Variants in MYO5B observed in about 807,000 individuals in gnomAD.
MYO5B encodes unconventional myosin-Vb.
In MYO5B, 143 loss-of-function variants were observed where a neutral mutation model predicts 229.3. The observed-to-expected ratio is 0.62, with a 90% CI of 0.54 to 0.72. The LOEUF is 0.72. MYO5B is among the 30% of genes least tolerant of loss of function. MYO5B has a pLI of 0.00. For synonymous variants in MYO5B, 918 were observed against 885.2 expected (o/e 1.04, Z -0.66); for missense variants, 2,321 against 2,331.0 (o/e 1.00, Z 0.09).
rs938092502 is a variant in MYO5B at position 49,914,012 on chromosome 18, C to T, written c.2091-1839G>A. ...CATCCATCCCGCTAAGAGCCACCTC[C>T]ACCACTCAATAACCACCCCCCAGCA... On this transcript the variant is annotated intron_variant, in intron 17 of 39. Transcript: ENST00000285039. 3.3e-5 allele frequency among the ~76,000 whole-genome samples: 5 copies of T among 152,222 alleles called. No individual in the cohort carries two copies. The South Asian group carries it at 8.3e-4, about 25-fold the overall frequency.
chr18:50,062,992 A>G (rs960897014), intron 1 of MYO5B, among the ~76,000 whole-genome samples: 1 of 152,190 alleles, frequency 6.6e-6, no homozygotes, highest in Non-Finnish European at 1.5e-5. Context: ...TAAATAATGT[A>G]TATGAAATAT....
chr18:50,017,298 T>G (rs2144352565), intron 4 of MYO5B, among the ~76,000 whole-genome samples: 1 of 152,052 alleles, frequency 6.6e-6, no homozygotes, highest in Non-Finnish European at 1.5e-5. Flanking sequence ...TTTTTTTTTG[T>G]ATTTTTAGTA....
chr18:50,084,601 G>A lies in MYO5B; in HGVS notation c.28-29223C>T, dbSNP rs113782925. On this transcript the variant is annotated intron_variant, in intron 1 of 39. Transcript: ENST00000285039. ...TTTCTAGTTGGGAAGAGCCCGCATC[G>A]CCATGTCAATCCTAAGCCAAAAGAA... 9.9e-3 allele frequency among the ~76,000 whole-genome samples: 1,506 copies of A among 152,242 alleles called. 31 individuals are homozygous for A. Among genetic ancestry groups the A allele is most frequent in the African/African-American group, 0.034 (1,417 of 41,550 alleles).
chr18:49,947,207 G>A (rs1598903757), intron 14 of MYO5B, among the ~76,000 whole-genome samples: 1 of 145,456 alleles, frequency 6.9e-6, no homozygotes, highest in Admixed American at 7.3e-5. Context: ...CCGGGTTCAC[G>A]CCATTCTCCT....
At chr18:49,829,108 G>T (rs1474549200) in intron 39 of MYO5B, among the ~76,000 whole-genome samples, 2 of 148,680 alleles carry the variant, frequency 1.3e-5, no homozygotes, top group African/African-American at 4.9e-5. Flanking sequence ...TTAAGATGGG[G>T]TCTTGCTCTG....
intron 36 of MYO5B, among the ~76,000 whole-genome samples, chr18:49,838,899 A>G (rs1598822151): frequency 6.6e-6 from 1 of 152,356 alleles, no homozygotes; most frequent in Admixed American, 6.5e-5. Context: ...TTGGGAAAAA[A>G]TACAACATAT....
chr18:49,954,022 ATATGTGTGTGTGTGTGTGTGTGTG>A (rs1162799238), intron 13 of MYO5B, among the ~76,000 whole-genome samples: 9 of 129,902 alleles, frequency 6.9e-5, no homozygotes, highest in East Asian at 5.1e-4. Context: ...GTATGTATTT[ATATGTGTGTGTGTGTGTGTGTGTG>A]TGTGTGTGTG....
intron 4 of MYO5B, among the ~76,000 whole-genome samples, chr18:50,002,017 C>A (rs2026053029): frequency 8.6e-6 from 1 of 116,336 alleles, no homozygotes; most frequent in Admixed American, 1.1e-4. Context: ...GCGTGGGCAA[C>A]AGAGCAAAAC....
At chr18:50,148,863 G>T (rs2032548048) in intron 1 of MYO5B, among the ~76,000 whole-genome samples, 1 of 152,288 alleles carries the variant, frequency 6.6e-6, no homozygotes, top group African/African-American at 2.4e-5. Context: ...GAAATAAAGG[G>T]TATTCAATTA....
chr18:50,020,504 C>G (rs2026262678), intron 4 of MYO5B, among the ~76,000 whole-genome samples: 2 of 152,204 alleles, frequency 1.3e-5, no homozygotes, highest in Non-Finnish European at 2.9e-5. Context: ...ATAGTGACCC[C>G]CTTTCTCTGC....
At chr18:49,951,471 A>G (rs553845412) in intron 14 of MYO5B, among the ~76,000 whole-genome samples, 7 of 152,122 alleles carry the variant, frequency 4.6e-5, no homozygotes, top group African/African-American at 7.2e-5. Context: ...ACCACTATAT[A>G]CTACACAAAT....
chr18:49,940,928 CAA>C (rs1234162443), intron 14 of MYO5B, among the ~76,000 whole-genome samples: 2 of 152,062 alleles, frequency 1.3e-5, no homozygotes, highest in Non-Finnish European at 2.9e-5. Context: ...TAAAAACATA[CAA>C]AAAAATTAGT....
chr18:50,109,786 G>A (rs983616272), intron 1 of MYO5B, among the ~76,000 whole-genome samples: 5 of 152,084 alleles, frequency 3.3e-5, no homozygotes, highest in Admixed American at 1.3e-4. Context: ...TCCGGCCAAC[G>A]GCAGCACCAT....
chr18:50,034,879 C>A (rs2026431546), intron 4 of MYO5B, among the ~76,000 whole-genome samples: 1 of 152,148 alleles, frequency 6.6e-6, no homozygotes, highest in Non-Finnish European at 1.5e-5. Flanking sequence ...AAATTAGGGA[C>A]CCAGTGGTAA....
intron 28 of MYO5B, 57 bp from the exon 29 acceptor site, chr18:49,863,384 T>G: frequency 6.9e-7 from 1 of 1,452,634 alleles, no homozygotes; most frequent in South Asian, 1.1e-5. Context: ...CAAAATGGCT[T>G]TATATACAAA....
intron 1 of MYO5B, among the ~76,000 whole-genome samples, chr18:50,102,283 C>T (rs1011411001): frequency 2.0e-5 from 3 of 151,882 alleles, no homozygotes; most frequent in Non-Finnish European, 4.4e-5. Flanking sequence ...ATAGGTACAC[C>T]GAACCACCAT....
intron 2 of MYO5B, 118 bp from the exon 3 acceptor site, chr18:50,040,432 A>C: frequency 3.7e-6 from 4 of 1,081,480 alleles, no homozygotes; most frequent in Non-Finnish European, 5.7e-6. Flanking sequence ...TAATGAAGAT[A>C]ATGTTTTAAA....
chr18:49,942,390 A>AC (rs1401705010), intron 14 of MYO5B, among the ~76,000 whole-genome samples: 35,216 of 133,568 alleles, frequency 0.26, 5,214 homozygotes, highest in Middle Eastern at 0.4. Context: ...CAAAAAAAAA[A>AC]AAAAAAAAAA....
At position 50,171,514 on chromosome 18, in the gene MYO5B, A is replaced by T. The variant is rs73430396; in HGVS notation, c.27+23253T>A. Among the ~76,000 whole-genome samples, 708 of 127,000 alleles carry T rather than the reference A, an allele frequency of 5.6e-3. 190 individuals carry two copies. The highest frequency in any genetic ancestry group is 0.02 in the African/African-American group (653 of 32,744). The allele number at this position is 127,000 out of a possible 152,430, so 83.3% of individuals were successfully genotyped here. Reference sequence around the variant, plus strand: ...AAACTCAAGGTACATTCAGACGATTATGAGTGGGCTGATTCTGCTGGGGAA... The same window carrying T: ...AAACTCAAGGTACATTCAGACGATTTTGAGTGGGCTGATTCTGCTGGGGAA... On this transcript the variant is annotated intron_variant, in intron 1 of 39. Coordinates refer to ENST00000285039, the MANE Select transcript of MYO5B (RefSeq NM_001080467.3).
Sources: gnomAD v4.1 joint callset for allele counts (sites outside exome capture counted in the v4.1 genomes callset) on GRCh38, gnomAD v4.1.1 for gene constraint, MANE v1.5 for transcripts, NCBI Gene and HGNC (gene_info 2026-07-23, HGNC 2026-07-21) for gene names.